The following ALDH1A2 variants were observed in gnomAD, a reference collection of about 807,000 sequenced individuals.
ALDH1A2 encodes aldehyde dehydrogenase 1 family member A2.
Under a neutral mutation model 60.3 loss-of-function variants are expected in ALDH1A2, and 27 were observed. The observed-to-expected ratio is 0.45, with a 90% CI of 0.33 to 0.62. The LOEUF (loss-of-function observed/expected upper bound fraction) is 0.62, where lower values mean the gene tolerates loss of function less well. Among genes scored for constraint, ALDH1A2 ranks in the 20% least tolerant of loss-of-function variants. The probability of loss-of-function intolerance (pLI) is 0.02; values close to 1 mark genes in which losing one functional copy is unlikely to be tolerated. For synonymous variants in ALDH1A2, 289 were observed against 232.4 expected (o/e 1.24, Z -2.21); for missense variants, 581 against 643.8 (o/e 0.90, Z 1.06).
chr15:58,013,967 C>A lies in ALDH1A2; in HGVS notation c.254G>T (p.Arg85Leu). 1 of 1,614,010 alleles carries A rather than the reference C, an allele frequency of 6.2e-7. No individual in the cohort carries two copies. Among genetic ancestry groups the A allele is most frequent in the African/African-American group, 1.3e-5 (1 of 75,006 alleles). ...ADIDKAVQAA[R>L]LAFSLGSVWR... ...CACTGAACCAAGAGAGAAAGCCAGG[C>A]GGGCTGCCTGCACTGCTTTGTCTAT... Residue 85 changes from arginine to leucine, a missense_variant, in exon 3 of 13, where the codon CGC becomes CTC. Arg to Leu is a moderately radical substitution (Grantham distance 102). Coordinates refer to ENST00000249750, the MANE Select transcript of ALDH1A2 (RefSeq NM_003888.4).
chr15:58,021,767 G>C (rs758033862), intron 1 of ALDH1A2, among the ~76,000 whole-genome samples: 2 of 152,260 alleles, frequency 1.3e-5, no homozygotes, highest in African/African-American at 4.8e-5. Flanking sequence ...CAAGCTGGGA[G>C]TGCTCCTGTA....
At chr15:58,030,069 T>C (rs1896191049) in intron 1 of ALDH1A2, among the ~76,000 whole-genome samples, 1 of 152,136 alleles carries the variant, frequency 6.6e-6, no homozygotes, top group Non-Finnish European at 1.5e-5. Context: ...TACCAAAGTC[T>C]GGCAGAGACA....
intron 1 of ALDH1A2, 142 bp from the exon 2 acceptor site, chr15:58,014,423 C>G (rs771346619): frequency 2.7e-6 from 2 of 746,190 alleles, no homozygotes; most frequent in East Asian, 5.5e-5. Flanking sequence ...AGAGACCCTT[C>G]TAGACTCAAC....
At chr15:57,972,811 C>T (rs528396139) in intron 7 of ALDH1A2, among the ~76,000 whole-genome samples, 2 of 152,162 alleles carry the variant, frequency 1.3e-5, no homozygotes, top group South Asian at 2.1e-4. Context: ...GAATGATTCA[C>T]GAATGGACTC....
At chr15:57,969,545 A>C (rs1315057569) in intron 7 of ALDH1A2, among the ~76,000 whole-genome samples, 2 of 152,186 alleles carry the variant, frequency 1.3e-5, no homozygotes, top group Admixed American at 6.5e-5. Context: ...TGACATGACC[A>C]GAAGGTGGGA....
chr15:58,048,571 A>C (rs559689151), intron 1 of ALDH1A2, among the ~76,000 whole-genome samples: 30 of 152,122 alleles, frequency 2.0e-4, no homozygotes, highest in Non-Finnish European at 2.9e-4. Flanking sequence ...TCCCAGAATG[A>C]TGCTGCTTGA....
At chr15:58,054,241 A>G (rs906694663) in intron 1 of ALDH1A2, among the ~76,000 whole-genome samples, 7 of 152,304 alleles carry the variant, frequency 4.6e-5, no homozygotes, top group African/African-American at 1.7e-4. Flanking sequence ...AAGGGGAGGA[A>G]TAAAAAAGGA....
At chr15:57,981,289 AACACACACACACACACACACACAC>A (rs775138747) in intron 7 of ALDH1A2, among the ~76,000 whole-genome samples, 2 of 142,136 alleles carry the variant, frequency 1.4e-5, no homozygotes, top group East Asian at 4.2e-4. Context: ...TAGAAGAGCA[AACACACACACACACACACACACAC>A]ACACACACAC....
chr15:58,055,587 G>C (rs1412757625), intron 1 of ALDH1A2, among the ~76,000 whole-genome samples: 3 of 151,974 alleles, frequency 2.0e-5, no homozygotes, highest in African/African-American at 7.2e-5. Context: ...TAAGTGTGTA[G>C]CCAAAATTGT....
At chr15:58,023,345 G>A (rs1479585940) in intron 1 of ALDH1A2, among the ~76,000 whole-genome samples, 1 of 152,106 alleles carries the variant, frequency 6.6e-6, no homozygotes, top group East Asian at 1.9e-4. Context: ...ATTTTAAAGT[G>A]ACCAAATTTA....
chr15:57,974,351 T>C (rs1359153210), intron 7 of ALDH1A2, among the ~76,000 whole-genome samples: 3 of 139,566 alleles, frequency 2.1e-5, no homozygotes, highest in Middle Eastern at 4.6e-3. Context: ...GAGAATGGCA[T>C]AAACCCGGGA....
Position 57,980,919 on chromosome 15 carries a change from TTTTC to T in ALDH1A2, c.798+11782_798+11785del, listed in dbSNP as rs199617545. Among the ~76,000 whole-genome samples, 7 of 152,290 alleles carry T rather than the reference TTTTC, an allele frequency of 4.6e-5. No homozygotes were observed. In the East Asian group the frequency reaches 1.2e-3, roughly 25 times the overall value. Reference sequence around the variant, plus strand: ...GCTGTGAATCCGTCTGGTCCTGGGCTTTTCTTTTTGGTGGGTAGGCTATTAATTA... The same window carrying T: ...GCTGTGAATCCGTCTGGTCCTGGGCTTTTTTGGTGGGTAGGCTATTAATTA... On this transcript the variant is annotated intron_variant, in intron 7 of 12. Transcript: ENST00000249750.
At chr15:57,965,256 G>C (rs540640707) in intron 8 of ALDH1A2, among the ~76,000 whole-genome samples, 2 of 152,166 alleles carry the variant, frequency 1.3e-5, no homozygotes, top group Non-Finnish European at 2.9e-5. Flanking sequence ...AGTCATGCGA[G>C]CAACAGAAAG....
chr15:57,961,128 T>C lies in ALDH1A2; in HGVS notation c.1409+9A>G, dbSNP rs751733980. 3 of 1,613,960 alleles carry C rather than the reference T, an allele frequency of 1.9e-6. No individual in the cohort carries two copies. The highest frequency in any genetic ancestry group is 1.6e-4 in the Middle Eastern group (1 of 6,062). On this transcript the variant is annotated intron_variant, in intron 11 of 12. Coordinates refer to ENST00000249750, the MANE Select transcript of ALDH1A2 (RefSeq NM_003888.4). ...GTGGAATTTGTTACAAGACTGACTC[T>C]GATCTTACCAAACAGTCCCAGCTTG...
At chr15:57,995,217 C>G in intron 4 of ALDH1A2, 78 bp from the exon 5 acceptor site, 5 of 284,422 alleles carry the variant, frequency 1.8e-5, no homozygotes, top group South Asian at 4.6e-5. Flanking sequence ...TTGGTGGCTG[C>G]AAAAAAAAAA....
chr15:57,967,264 A>AG (rs569862187), intron 7 of ALDH1A2, among the ~76,000 whole-genome samples: 575 of 150,926 alleles, frequency 3.8e-3, no homozygotes, highest in Non-Finnish European at 6.4e-3. Context: ...CCTCCTCTGT[A>AG]GGGGGGGATA....
intron 1 of ALDH1A2, among the ~76,000 whole-genome samples, chr15:58,027,188 T>A (rs1411171201): frequency 6.6e-6 from 1 of 152,122 alleles, no homozygotes; most frequent in African/African-American, 2.4e-5. Context: ...GAGGAAGGAT[T>A]AGGCAGCAAT....
intron 12 of ALDH1A2, among the ~76,000 whole-genome samples, chr15:57,957,936 C>T (rs1005650804): frequency 6.6e-5 from 10 of 152,000 alleles, no homozygotes; most frequent in Middle Eastern, 3.2e-3. Flanking sequence ...AGCGGGTCAC[C>T]GGAAGGCAGG....
intron 1 of ALDH1A2, chr15:58,058,039 CCAAA>C: frequency 1.3e-6 from 2 of 1,520,590 alleles, no homozygotes; most frequent in Non-Finnish European, 1.8e-6. Flanking sequence ...GGGATTTTAA[CCAAA>C]CAGTCTCACA....
Sources: gnomAD v4.1 joint callset for allele counts (sites outside exome capture counted in the v4.1 genomes callset) on GRCh38, gnomAD v4.1.1 for gene constraint, MANE v1.5 for transcripts, NCBI Gene and HGNC (gene_info 2026-07-23, HGNC 2026-07-21) for gene names.